The following SCN8A variants were observed in gnomAD, a reference collection of about 807,000 sequenced individuals.
SCN8A encodes the protein sodium channel protein type 8 subunit alpha.
SCN8A carries 30 observed loss-of-function variants against 184.1 expected under a neutral mutation model. That is an observed-to-expected ratio of 0.16 (90% CI 0.12 to 0.22). The LOEUF (loss-of-function observed/expected upper bound fraction) is 0.22. Ranked by LOEUF, SCN8A falls within the 10% of genes least tolerant of loss-of-function variation. SCN8A has a pLI of 1.00. For synonymous variants in SCN8A, 852 were observed against 907.0 expected, an observed-to-expected ratio of 0.94 and a Z score of 1.09; for missense variants, 1,057 against 2,498.9, an observed-to-expected ratio of 0.42 and a Z score of 12.30.
At chr12:51,755,187 A>G (rs764608280) in intron 14 of SCN8A, among the ~76,000 whole-genome samples, 3 of 152,254 alleles carry the variant, frequency 2.0e-5, no homozygotes, top group Non-Finnish European at 2.9e-5. Context: ...GACTTACTGT[A>G]TACTTAATAG....
intron 2 of SCN8A, among the ~76,000 whole-genome samples, chr12:51,663,949 G>T (rs1461757885): frequency 8.9e-6 from 1 of 112,590 alleles, no homozygotes; most frequent in Non-Finnish European, 1.7e-5. Context: ...TTGCTCTGTC[G>T]CCCAGGCTGG....
At chr12:51,790,699 C>T (rs1253759854) in intron 25 of SCN8A, among the ~76,000 whole-genome samples, 197 bp downstream of exon 25, 3 of 152,174 alleles carry the variant, frequency 2.0e-5, no homozygotes, top group Non-Finnish European at 2.9e-5. Flanking sequence ...CATCAATCCT[C>T]GACCTATCCT....
At chr12:51,691,641 A>G (rs1207894171) in intron 6 of SCN8A, among the ~76,000 whole-genome samples, 3 of 152,242 alleles carry the variant, frequency 2.0e-5, no homozygotes, top group Non-Finnish European at 2.9e-5. Flanking sequence ...AGCACCCCCA[A>G]TTGAGCTGGC....
At chr12:51,623,756 C>G (rs910106995) in intron 1 of SCN8A, among the ~76,000 whole-genome samples, 18 of 152,086 alleles carry the variant, frequency 1.2e-4, no homozygotes. Flanking sequence ...TAATGCTATC[C>G]CTTCCTCCTC....
At chr12:51,641,423 C>A (rs1940451639) in intron 1 of SCN8A, among the ~76,000 whole-genome samples, 1 of 152,102 alleles carries the variant, frequency 6.6e-6, no homozygotes, top group African/African-American at 2.4e-5. Context: ...ATGAGAAATA[C>A]CATACTGTAC....
At chr12:51,616,406 C>G (rs185921860) in intron 1 of SCN8A, among the ~76,000 whole-genome samples, 1 of 151,952 alleles carries the variant, frequency 6.6e-6, no homozygotes, top group South Asian at 2.1e-4. Flanking sequence ...GTCAGGAGTT[C>G]GAGACCAGCC....
chr12:51,659,876 C>T (rs1043963146), intron 1 of SCN8A, among the ~76,000 whole-genome samples: 1 of 151,970 alleles, frequency 6.6e-6, no homozygotes, highest in African/African-American at 2.4e-5. Context: ...AATAAGAAAG[C>T]CAGGAAGAAG....
chr12:51,670,876 G>C (rs1941118677), intron 2 of SCN8A, among the ~76,000 whole-genome samples: 1 of 152,064 alleles, frequency 6.6e-6, no homozygotes, highest in African/African-American at 2.4e-5. Flanking sequence ...CTATATGCCG[G>C]GGCTCTGTTC....
chr12:51,704,004 T>G (rs1490988549), intron 9 of SCN8A, among the ~76,000 whole-genome samples: 1 of 151,990 alleles, frequency 6.6e-6, no homozygotes, highest in Non-Finnish European at 1.5e-5. Flanking sequence ...ACAATTCTCC[T>G]GCCTCAGCCT....
chr12:51,790,016 A>G (rs1938195719), intron 24 of SCN8A, among the ~76,000 whole-genome samples: 2 of 152,268 alleles, frequency 1.3e-5, no homozygotes, highest in South Asian at 4.1e-4. Context: ...GCTATCAGCC[A>G]GGACACAAAG....
At chr12:51,713,580 G>A (rs1941917360) in intron 11 of SCN8A, 1 of 697,306 alleles carries the variant, frequency 1.4e-6, no homozygotes, top group Admixed American at 2.1e-5. Flanking sequence ...CGGACTGGGG[G>A]CGACCAGGCG....
At chr12:51,601,565 A>G (rs920022919) in intron 1 of SCN8A, among the ~76,000 whole-genome samples, 1 of 152,160 alleles carries the variant, frequency 6.6e-6, no homozygotes, top group Non-Finnish European at 1.5e-5. Flanking sequence ...TTTATAGGTC[A>G]AAGAAAATAA....
chr12:51,601,576 A>G (rs1371688129), intron 1 of SCN8A, among the ~76,000 whole-genome samples: 1 of 152,174 alleles, frequency 6.6e-6, no homozygotes, highest in Non-Finnish European at 1.5e-5. Flanking sequence ...AAGAAAATAA[A>G]TTCATCTTTG....
intron 1 of SCN8A, among the ~76,000 whole-genome samples, chr12:51,593,282 C>G (rs574547212): frequency 6.6e-6 from 1 of 152,248 alleles, no homozygotes; most frequent in East Asian, 1.9e-4. Context: ...TCCGTGTTCT[C>G]TGAACATCTG....
At chr12:51,597,479 T>C (rs1410790447) in intron 1 of SCN8A, among the ~76,000 whole-genome samples, 2 of 152,210 alleles carry the variant, frequency 1.3e-5, no homozygotes, top group African/African-American at 2.4e-5. Context: ...TTGTGAATTA[T>C]ACAGTTATTT....
chr12:51,721,714 T>G lies in SCN8A; in HGVS notation c.1804T>G (p.Phe602Val), dbSNP rs758005355. The G allele has an allele frequency of 4.4e-6, 7 of 1,591,846 alleles. No individual in the cohort carries two copies. The highest frequency in any genetic ancestry group is 6.0e-6 in the Non-Finnish European group (7 of 1,169,414). Residue 602 changes from phenylalanine to valine, a missense_variant, in exon 12 of 27, where the codon TTC (phenylalanine) becomes GTC (valine). This residue lies in a region of SCN8A where 322 missense variants were observed against 390.1 expected (regional missense o/e 0.83). Coordinates refer to ENST00000627620, the MANE Select transcript of SCN8A (RefSeq NM_001330260.2). ...GAGCGAGGGCCGCCGGGACTCCCTC[T>G]TCATCCCCATCCGGGCCCGCGAGCG... ...EESEGRRDSL[F>V]IPIRARERRS...
At chr12:51,739,867 A>G (rs1238751071) in intron 12 of SCN8A, among the ~76,000 whole-genome samples, 2 of 152,268 alleles carry the variant, frequency 1.3e-5, no homozygotes, top group African/African-American at 4.8e-5. Flanking sequence ...GGGGTCTCAC[A>G]GCCTTCGGAG....
At chr12:51,655,614 T>G (rs1003681338) in intron 1 of SCN8A, among the ~76,000 whole-genome samples, 1 of 152,274 alleles carries the variant, frequency 6.6e-6, no homozygotes, top group East Asian at 1.9e-4. Context: ...CCTCAAGCGA[T>G]CTTCCCATCT....
At chr12:51,796,462 A>G (rs966257058) in intron 26 of SCN8A, among the ~76,000 whole-genome samples, 2 of 152,240 alleles carry the variant, frequency 1.3e-5, no homozygotes, top group African/African-American at 2.4e-5. Context: ...CTCTAAAAAG[A>G]GGAAGATGTT....
Sources: allele counts gnomAD v4.1 joint callset (sites outside exome capture counted in the v4.1 genomes callset), GRCh38; gene constraint gnomAD v4.1.1; regional missense constraint gnomAD v4.1.1; transcripts MANE v1.5; gene names NCBI Gene and HGNC (gene_info 2026-07-23, HGNC 2026-07-21).